Variants in PCTP observed in about 807,000 individuals in gnomAD.
The protein encoded by PCTP is START domain-containing protein 2.
Under a neutral mutation model 31.0 loss-of-function variants are expected in PCTP, and 27 were observed. That is an observed-to-expected ratio of 0.87 (90% CI 0.64 to 1.20). PCTP has a LOEUF of 1.20. Among genes scored for constraint, PCTP ranks in the 50% most tolerant of loss-of-function variants. PCTP has a pLI of 0.00. For missense variants in PCTP, 287 were observed against 268.2 expected (o/e 1.07, Z -0.49); for synonymous variants, 108 against 101.2 (o/e 1.07, Z -0.40).
downstream of PCTP, among the ~76,000 whole-genome samples, chr17:55,777,682 GTTTC>G (rs1911411170): frequency 6.7e-6 from 1 of 149,904 alleles, no homozygotes; most frequent in Non-Finnish European, 1.5e-5. Flanking sequence ...AAAAGACAAT[GTTTC>G]TTTCTAGTAG....
At chr17:55,751,344 G>A in intron 1 of PCTP, 100 bp downstream of exon 1, 2 of 1,528,216 alleles carry the variant, frequency 1.3e-6, no homozygotes, top group Middle Eastern at 1.7e-4. Context: ...GGACAGGGGC[G>A]CGTCTTCTCC....
At chr17:55,783,253 C>T (rs1479226375) in intron 2 of PCTP, among the ~76,000 whole-genome samples, 2 of 151,744 alleles carry the variant, frequency 1.3e-5, no homozygotes, top group African/African-American at 4.8e-5. Flanking sequence ...TCATACTAGC[C>T]CCGTAAAAGT....
chr17:55,830,652 C>T (rs1905563211), intron 5 of PCTP, among the ~76,000 whole-genome samples: 1 of 152,104 alleles, frequency 6.6e-6, no homozygotes, highest in Non-Finnish European at 1.5e-5. Flanking sequence ...CTTAGGACTG[C>T]AATTACACTG....
chr17:55,764,256 G>C (rs962690259), intron 1 of PCTP, among the ~76,000 whole-genome samples: 8 of 152,212 alleles, frequency 5.3e-5, no homozygotes, highest in Non-Finnish European at 8.8e-5. Context: ...TTGTTGCTTA[G>C]AATGTGTGGA....
intron 1 of PCTP, among the ~76,000 whole-genome samples, chr17:55,758,415 G>A (rs1203588739): frequency 6.6e-6 from 1 of 152,172 alleles, no homozygotes; most frequent in Non-Finnish European, 1.5e-5. Context: ...GGCCTTTAGA[G>A]AGAAACACAG....
intron 3 of PCTP, among the ~76,000 whole-genome samples, chr17:55,802,441 C>A (rs1235324803): frequency 6.6e-6 from 1 of 152,182 alleles, no homozygotes; most frequent in East Asian, 1.9e-4. Context: ...AAGCCAATAT[C>A]TCTAATGAAC....
chr17:55,850,024 A>T, the PCTP span, among the ~76,000 whole-genome samples: 16 of 152,186 alleles, frequency 1.1e-4, no homozygotes, highest in Non-Finnish European at 2.2e-4. Flanking sequence ...CTTCATGATC[A>T]TGTCAAATCA....
At chr17:55,829,627 A>G (rs540504544) in intron 5 of PCTP, among the ~76,000 whole-genome samples, 14 of 152,002 alleles carry the variant, frequency 9.2e-5, no homozygotes, top group Admixed American at 2.6e-4. Flanking sequence ...TGTGATCTTG[A>G]CCAATCTTTT....
chr17:55,804,554 T>C (rs899225857), intron 3 of PCTP, among the ~76,000 whole-genome samples: 1 of 152,178 alleles, frequency 6.6e-6, no homozygotes, highest in Non-Finnish European at 1.5e-5. Flanking sequence ...TGAGTTCCTG[T>C]CCTTTGCAGG....
intron 3 of PCTP, among the ~76,000 whole-genome samples, chr17:55,799,252 T>C (rs181598527): frequency 6.6e-6 from 1 of 152,190 alleles, no homozygotes; most frequent in Admixed American, 6.6e-5. Flanking sequence ...TATTTGCTGC[T>C]TAAAAGAGAC....
At chr17:55,753,716 C>A (rs1004592188) in intron 1 of PCTP, among the ~76,000 whole-genome samples, 2 of 152,216 alleles carry the variant, frequency 1.3e-5, no homozygotes, top group African/African-American at 4.8e-5. Context: ...CTGACATCTT[C>A]TCCTCTAGCG....
chr17:55,830,044 A>G (rs1255491590), intron 5 of PCTP, among the ~76,000 whole-genome samples: 3 of 136,412 alleles, frequency 2.2e-5, no homozygotes, highest in African/African-American at 8.2e-5. Flanking sequence ...AAGAATTTAT[A>G]TTACTTGAAT....
intron 3 of PCTP, among the ~76,000 whole-genome samples, chr17:55,802,229 C>T (rs569788431): frequency 6.6e-6 from 1 of 152,192 alleles, no homozygotes; most frequent in East Asian, 1.9e-4. Flanking sequence ...AAGTAATAGC[C>T]TACCAACCAA....
chr17:55,850,979 C>G, the PCTP span, among the ~76,000 whole-genome samples: 1 of 152,134 alleles, frequency 6.6e-6, no homozygotes, highest in Non-Finnish European at 1.5e-5. Context: ...TCTGCTGATT[C>G]AGGTTTTTTA....
At chr17:55,822,405 A>T (rs1235557107) in intron 3 of PCTP, among the ~76,000 whole-genome samples, 3 of 152,208 alleles carry the variant, frequency 2.0e-5, no homozygotes, top group African/African-American at 7.2e-5. Context: ...CTTGGACAAA[A>T]GATGACCGAA....
intron 5 of PCTP, among the ~76,000 whole-genome samples, chr17:55,832,119 AAC>A (rs1023602926): frequency 1.3e-5 from 2 of 152,084 alleles, no homozygotes; most frequent in Non-Finnish European, 2.9e-5. Flanking sequence ...CAAAAACAGA[AAC>A]ACCCAAGCAA....
rs35044645 is a variant in PCTP at position 55,803,892 on chromosome 17, C to CAAAAAAA, written c.317+16245_317+16251dup. 2.9e-3 allele frequency among the ~76,000 whole-genome samples: 368 copies of CAAAAAAA among 126,452 alleles called. 4 individuals are homozygous for CAAAAAAA. The highest frequency in any genetic ancestry group is 9.9e-3 in the African/African-American group (345 of 34,870). 83.0% of individuals were successfully genotyped at this position (126,452 alleles called of 152,430 possible). On this transcript the variant is annotated intron_variant, in intron 3 of 3. Transcript: ENST00000572536. ...ATTAAACTAAAGAGCTTCTGCAGAG[C>CAAAAAAA]AAAAAAAAAAAAACCAGGATCAGAG...
At chr17:55,832,183 G>A (rs1905623116) in intron 5 of PCTP, among the ~76,000 whole-genome samples, 1 of 152,172 alleles carries the variant, frequency 6.6e-6, no homozygotes, top group African/African-American at 2.4e-5. Context: ...CTGTCACTAC[G>A]CCGTTGGAAG....
chr17:55,838,605 C>T (rs1905853410), intron 5 of PCTP, among the ~76,000 whole-genome samples: 1 of 152,116 alleles, frequency 6.6e-6, no homozygotes, highest in Admixed American at 6.5e-5. Flanking sequence ...CATTATAGCC[C>T]AGAATCTCAA....
Sources: allele counts gnomAD v4.1 joint callset (sites outside exome capture counted in the v4.1 genomes callset), GRCh38; gene constraint gnomAD v4.1.1; transcripts MANE v1.5; gene names NCBI Gene and HGNC (gene_info 2026-07-23, HGNC 2026-07-21).